ZNF385D: variants seen among roughly 807,000 people sequenced by gnomAD.
ZNF385D encodes the protein zinc finger protein 385D, also known as zinc finger protein 659.
Under a neutral mutation model 35.8 loss-of-function variants are expected in ZNF385D, and 15 were observed. The ratio of observed to expected loss-of-function variants is 0.42; its 90% CI spans 0.28 to 0.64. The LOEUF (loss-of-function observed/expected upper bound fraction) is 0.64, where lower values mean the gene tolerates loss of function less well. Ranked by LOEUF, ZNF385D falls within the 30% of genes least tolerant of loss-of-function variation. The probability of loss-of-function intolerance (pLI) is 0.23; values close to 1 mark genes in which losing one functional copy is unlikely to be tolerated. For synonymous variants in ZNF385D, 212 were observed against 186.8 expected (o/e 1.13, Z -1.10); for missense variants, 474 against 494.6 (o/e 0.96, Z 0.39).
intron 2 of ZNF385D, among the ~76,000 whole-genome samples, chr3:21,663,929 A>ATTT (rs1553633494): frequency 7.3e-6 from 1 of 137,882 alleles, no homozygotes; most frequent in African/African-American, 2.7e-5. Context: ...TTATTTATTT[A>ATTT]AATCCATCAT....
intron 3 of ZNF385D, among the ~76,000 whole-genome samples, chr3:22,112,752 A>G (rs1269450454): frequency 6.6e-6 from 1 of 152,116 alleles, no homozygotes; most frequent in Non-Finnish European, 1.5e-5. Context: ...GGAAAGGCTA[A>G]AATCTTTGAA....
rs1046643604 is a variant in ZNF385D, at chr3:22,009,484, G to A, written c.325+159333C>T. ...TAAAAATACCAAAAATTAGCCGGGC[G>A]TGGTGTCGGGTGCCTATAGTCCCAG... On this transcript the variant is annotated intron_variant, in intron 3 of 5. Transcript: ENST00000494108. Among the ~76,000 whole-genome samples the A allele has an allele frequency of 1.7e-4, 26 of 151,730 alleles. 1 individual carries two copies. Among genetic ancestry groups the A allele is most frequent in the Non-Finnish European group, 8.8e-5 (6 of 67,976 alleles).
intron 3 of ZNF385D, among the ~76,000 whole-genome samples, chr3:21,892,487 T>A (rs1188570077): frequency 6.6e-6 from 1 of 152,196 alleles, no homozygotes; most frequent in African/African-American, 2.4e-5. Flanking sequence ...TTGCTCTGAT[T>A]AGATTTAAAA....
chr3:22,241,751 TA>T (rs1047348155), intron 2 of ZNF385D, among the ~76,000 whole-genome samples: 11 of 150,512 alleles, frequency 7.3e-5, no homozygotes, highest in African/African-American at 2.5e-4. Flanking sequence ...GAGAAATACC[TA>T]AAAAAAACCT....
At chr3:21,526,950 A>G (rs1436682770) in intron 3 of ZNF385D, among the ~76,000 whole-genome samples, 1 of 152,190 alleles carries the variant, frequency 6.6e-6, no homozygotes, top group East Asian at 1.9e-4. Context: ...TCTGCATTTG[A>G]TTCTATCATT....
chr3:22,002,396 G>T (rs932125255), intron 3 of ZNF385D, among the ~76,000 whole-genome samples: 1 of 152,038 alleles, frequency 6.6e-6, no homozygotes, highest in African/African-American at 2.4e-5. Context: ...AAGCAGGAAT[G>T]AACAAACTAA....
chr3:21,701,429 T>A (rs2067680141), intron 1 of ZNF385D, among the ~76,000 whole-genome samples: 1 of 152,122 alleles, frequency 6.6e-6, no homozygotes, highest in Admixed American at 6.5e-5. Context: ...TACCTCCCCC[T>A]GGGTCCCTCC....
intron 3 of ZNF385D, among the ~76,000 whole-genome samples, chr3:22,048,116 C>A (rs1334443481): frequency 6.6e-6 from 1 of 151,886 alleles, no homozygotes; most frequent in African/African-American, 2.4e-5. Context: ...GAATTGAGTT[C>A]CATATATATT....
chr3:22,184,866 A>G (rs1233231603), intron 2 of ZNF385D, among the ~76,000 whole-genome samples: 1 of 152,092 alleles, frequency 6.6e-6, no homozygotes, highest in Admixed American at 6.6e-5. Flanking sequence ...CACATCTAAG[A>G]TGTTATAGAT....
intron 3 of ZNF385D, among the ~76,000 whole-genome samples, chr3:21,937,476 T>C (rs764757311): frequency 6.6e-6 from 1 of 152,204 alleles, no homozygotes; most frequent in Non-Finnish European, 1.5e-5. Flanking sequence ...GCTACACTAA[T>C]AAGTCTCTGT....
At chr3:22,351,626 G>C (rs998476450) in intron 2 of ZNF385D, among the ~76,000 whole-genome samples, 4 of 152,078 alleles carry the variant, frequency 2.6e-5, no homozygotes, top group African/African-American at 9.7e-5. Context: ...TCTGTATAAT[G>C]AGAGTAAGCT....
chr3:21,995,365 C>T (rs1695397992), intron 3 of ZNF385D, among the ~76,000 whole-genome samples: 1 of 152,152 alleles, frequency 6.6e-6, no homozygotes, highest in African/African-American at 2.4e-5. Flanking sequence ...CAGGGCTGTC[C>T]TCAGGACCCC....
In ZNF385D at chr3:21,702,811, A is replaced by T. The variant is rs576793522; in HGVS notation, c.23-37783T>A. ...ATGCCACCAGTTTCTTTGCTAAAAC[A>T]TAACGAGAGTCACCTTTGCTTCAGT... is the stretch of plus-strand genomic sequence containing the variant. On this transcript the variant is annotated intron_variant, in intron 1 of 7. Transcript: ENST00000281523. Among the ~76,000 whole-genome samples the T allele has an allele frequency of 2.6e-5, 4 of 152,224 alleles. No homozygotes were observed. In the East Asian group the frequency reaches 7.7e-4, roughly 29 times the overall value.
chr3:21,602,113 G>C (rs2064311182), intron 2 of ZNF385D, among the ~76,000 whole-genome samples: 2 of 152,214 alleles, frequency 1.3e-5, no homozygotes, highest in South Asian at 2.1e-4. Context: ...CTGCAGGCAA[G>C]AGAGCGTGTG....
At chr3:22,103,457 T>C (rs1398973284) in intron 3 of ZNF385D, among the ~76,000 whole-genome samples, 1 of 152,162 alleles carries the variant, frequency 6.6e-6, no homozygotes, top group Non-Finnish European at 1.5e-5. Flanking sequence ...CTAGAGATGA[T>C]ACTATTTTAC....
chr3:22,136,521 A>G (rs1202926870), intron 3 of ZNF385D, among the ~76,000 whole-genome samples: 1 of 152,208 alleles, frequency 6.6e-6, no homozygotes, highest in African/African-American at 2.4e-5. Context: ...CAAATGATCC[A>G]TTTTCAGAAT....
intron 3 of ZNF385D, among the ~76,000 whole-genome samples, chr3:21,905,432 C>T (rs1699636490): frequency 6.6e-6 from 1 of 151,698 alleles, no homozygotes; most frequent in Non-Finnish European, 1.5e-5. Flanking sequence ...TTTAGCTTGT[C>T]AGCATCAGGC....
At chr3:22,250,309 G>T (rs1472069787) in intron 2 of ZNF385D, among the ~76,000 whole-genome samples, 2 of 151,768 alleles carry the variant, frequency 1.3e-5, no homozygotes, top group African/African-American at 2.4e-5. Context: ...TTCTAATTTT[G>T]ATGGGAATAA....
chr3:21,569,088 C>A (rs890039885), intron 2 of ZNF385D, among the ~76,000 whole-genome samples: 5 of 152,126 alleles, frequency 3.3e-5, no homozygotes, highest in Non-Finnish European at 5.9e-5. Context: ...CCGCTTGGTG[C>A]AGAGCTGAGT....
Sources: allele counts gnomAD v4.1 joint callset (sites outside exome capture counted in the v4.1 genomes callset), GRCh38; gene constraint gnomAD v4.1.1; transcripts MANE v1.5; gene names NCBI Gene and HGNC (gene_info 2026-07-23, HGNC 2026-07-21).